CACNA2D3: variants seen among roughly 807,000 people sequenced by gnomAD.
CACNA2D3 encodes calcium voltage-gated channel auxiliary subunit alpha2delta 3, also known as voltage-dependent calcium channel subunit alpha-2/delta-3.
CACNA2D3 carries 60 observed loss-of-function variants against 160.6 expected under a neutral mutation model. That is an observed-to-expected ratio of 0.37 (90% CI 0.30 to 0.46). The LOEUF (loss-of-function observed/expected upper bound fraction) is 0.46. CACNA2D3 is among the 20% of genes least tolerant of loss of function. CACNA2D3 has a pLI of 1.00. For synonymous variants in CACNA2D3, 558 were observed against 492.9 expected, an observed-to-expected ratio of 1.13 and a Z score of -1.75; for missense variants, 1,205 against 1,365.0, an observed-to-expected ratio of 0.88 and a Z score of 1.85.
chr3:54,451,725 T>G (rs1351115995), intron 4 of CACNA2D3, among the ~76,000 whole-genome samples: 1 of 152,212 alleles, frequency 6.6e-6, no homozygotes, highest in African/African-American at 2.4e-5. Context: ...GTTTATCACT[T>G]TCCTCTCACA....
intron 11 of CACNA2D3, among the ~76,000 whole-genome samples, chr3:54,749,326 T>C (rs1701814546): frequency 6.6e-6 from 1 of 152,222 alleles, no homozygotes. Flanking sequence ...CAGTCAGCTA[T>C]CAATAAAGAC....
intron 2 of CACNA2D3, among the ~76,000 whole-genome samples, chr3:54,169,389 G>T (rs1007649113): frequency 1.3e-5 from 2 of 151,996 alleles, no homozygotes; most frequent in Non-Finnish European, 2.9e-5. Context: ...TGAAAATAAA[G>T]CTTCATGGTC....
At chr3:54,520,822 T>C (rs1251775918) in intron 5 of CACNA2D3, among the ~76,000 whole-genome samples, 1 of 152,200 alleles carries the variant, frequency 6.6e-6, no homozygotes, top group African/African-American at 2.4e-5. Flanking sequence ...TCCCTATAGA[T>C]TTACCTTTTC....
chr3:54,856,297 G>C (rs1415255604), intron 17 of CACNA2D3, among the ~76,000 whole-genome samples: 1 of 152,162 alleles, frequency 6.6e-6, no homozygotes, highest in Non-Finnish European at 1.5e-5. Flanking sequence ...CTGTGCACTG[G>C]GTAGCTAGGG....
intron 13 of CACNA2D3, among the ~76,000 whole-genome samples, chr3:54,772,727 A>G (rs960570363): frequency 6.6e-6 from 1 of 152,220 alleles, no homozygotes; most frequent in African/African-American, 2.4e-5. Flanking sequence ...GGCCTCTCAT[A>G]TGAATACAAG....
intron 2 of CACNA2D3, among the ~76,000 whole-genome samples, chr3:54,208,364 T>G (rs1419672005): frequency 6.6e-6 from 1 of 152,206 alleles, no homozygotes; most frequent in Non-Finnish European, 1.5e-5. Context: ...TATCTCGGCC[T>G]TCCAAAGTGC....
intron 17 of CACNA2D3, among the ~76,000 whole-genome samples, chr3:54,863,671 G>C (rs1030702591): frequency 6.6e-6 from 1 of 151,760 alleles, no homozygotes; most frequent in Non-Finnish European, 1.5e-5. Context: ...CACTGATTAA[G>C]ATAAAGGTCA....
intron 2 of CACNA2D3, among the ~76,000 whole-genome samples, chr3:54,163,821 C>T (rs1264003432): frequency 1.3e-5 from 2 of 152,214 alleles, no homozygotes; most frequent in Non-Finnish European, 2.9e-5. Flanking sequence ...AATGCATCTA[C>T]CTCCAGCACA....
chr3:54,204,879 A>G (rs1032364342), intron 2 of CACNA2D3, among the ~76,000 whole-genome samples: 7 of 151,844 alleles, frequency 4.6e-5, no homozygotes, highest in African/African-American at 1.7e-4. Context: ...GGAAAAACTT[A>G]CCATCTCCTC....
rs184310231 is a variant in CACNA2D3, at chr3:54,152,138, T to A, written c.204+28544T>A. Among the ~76,000 whole-genome samples the A allele has an allele frequency of 1.4e-3, 217 of 152,364 alleles. 2 individuals are homozygous for A. Among genetic ancestry groups the A allele is most frequent in the African/African-American group, 4.9e-3 (205 of 41,586 alleles). On this transcript the variant is annotated intron_variant, in intron 2 of 37. Transcript: ENST00000474759. ...GGTTATCTGTGCCCTTGGGTCTCTC[T>A]TGGGACACTGAGCTCCTTCCTAGAG... is the stretch of plus-strand genomic sequence containing the variant.
chr3:54,768,524 G>A (rs1702262268), intron 13 of CACNA2D3, among the ~76,000 whole-genome samples: 1 of 152,162 alleles, frequency 6.6e-6, no homozygotes, highest in African/African-American at 2.4e-5. Flanking sequence ...TCAAACTTTT[G>A]CGCTGAAGTA....
In CACNA2D3 at chr3:54,188,310, G is replaced by T. The variant is rs571899740; in HGVS notation, c.204+64716G>T. ...GGAGAGGCTGTGCAGGAATTACCCTGTAGGGATAGCACAGCTGAGGAGAGC... is the reference window on the plus strand; with the variant it reads ...GGAGAGGCTGTGCAGGAATTACCCTTTAGGGATAGCACAGCTGAGGAGAGC... On this transcript the variant is annotated intron_variant, in intron 2 of 37. Coordinates refer to ENST00000474759, the MANE Select transcript of CACNA2D3 (RefSeq NM_018398.3). Among the ~76,000 whole-genome samples, 9 of 152,326 alleles carry T rather than the reference G, an allele frequency of 5.9e-5. No homozygotes were observed. The East Asian group carries it at 1.7e-3, about 29-fold the overall frequency.
intron 11 of CACNA2D3, among the ~76,000 whole-genome samples, chr3:54,739,948 C>G (rs1352818795): frequency 2.0e-5 from 3 of 152,058 alleles, no homozygotes; most frequent in Admixed American, 2.0e-4. Context: ...AGGGCAGAGA[C>G]CATATGGATT....
chr3:54,188,272 A>T (rs74566878), intron 2 of CACNA2D3, among the ~76,000 whole-genome samples: 3,502 of 143,934 alleles, frequency 0.024, 206 homozygotes, highest in East Asian at 0.18. Flanking sequence ...AACAAACAAA[A>T]AAACCAGTAG....
Position 54,283,767 on chromosome 3 carries a change from A to G in CACNA2D3, c.205-36675A>G, listed in dbSNP as rs545025233. On this transcript the variant is annotated intron_variant, in intron 2 of 37. Transcript: ENST00000474759. ...ACACCAGAGGTGTTTCTCTGTGTAG[A>G]TAGAGGAAGAGGCTGCTGATTTTTT... 9.2e-5 allele frequency among the ~76,000 whole-genome samples: 14 copies of G among 152,222 alleles called. 1 individual carries two copies. Among genetic ancestry groups the G allele is most frequent in the African/African-American group, 3.4e-4 (14 of 41,522 alleles).
chr3:54,811,049 G>T (rs775020104), intron 13 of CACNA2D3, among the ~76,000 whole-genome samples: 1 of 152,090 alleles, frequency 6.6e-6, no homozygotes, highest in Non-Finnish European at 1.5e-5. Context: ...GGCTCTCGCT[G>T]TCCTCTGCCT....
intron 4 of CACNA2D3, among the ~76,000 whole-genome samples, chr3:54,403,248 A>C (rs909005174): frequency 2.0e-5 from 3 of 151,942 alleles, no homozygotes; most frequent in Admixed American, 2.0e-4. Flanking sequence ...TCAGCTATTC[A>C]GGAGGCTGAG....
intron 2 of CACNA2D3, among the ~76,000 whole-genome samples, chr3:54,168,425 C>G (rs183290547): frequency 9.9e-5 from 15 of 152,188 alleles, no homozygotes; most frequent in Admixed American, 6.5e-4. Flanking sequence ...AGTGAACAGC[C>G]GCGCAGTGAT....
chr3:54,477,963 C>CTCAGGA (rs1407378852), intron 4 of CACNA2D3, among the ~76,000 whole-genome samples: 1 of 152,166 alleles, frequency 6.6e-6, no homozygotes, highest in Non-Finnish European at 1.5e-5. Context: ...CTCTGACAAC[C>CTCAGGA]TCAGGAGGAA....
Sources: allele counts gnomAD v4.1 joint callset (sites outside exome capture counted in the v4.1 genomes callset), GRCh38; gene constraint gnomAD v4.1.1; transcripts MANE v1.5; gene names NCBI Gene and HGNC (gene_info 2026-07-23, HGNC 2026-07-21).